Variants in ARHGAP36 observed in about 807,000 individuals in gnomAD.
ARHGAP36 encodes the protein rho GTPase-activating protein 36.
ARHGAP36 carries 7 observed loss-of-function variants against 32.9 expected under a neutral mutation model. The observed-to-expected ratio is 0.21, with a 90% CI of 0.12 to 0.40. The LOEUF is 0.40. ARHGAP36 is among the 10% of genes least tolerant of loss of function. The pLI is 1.00. For missense variants in ARHGAP36, 383 were observed against 442.2 expected (o/e 0.87, Z 1.20); for synonymous variants, 165 against 168.3 (o/e 0.98, Z 0.15).
Position 131,088,724 on chromosome X carries a change from C to A in ARHGAP36, c.1583C>A (p.Pro528Gln), listed in dbSNP as rs771482508. 8 of 1,211,486 alleles carry A rather than the reference C, an allele frequency of 6.6e-6. No individual in the cohort carries two copies. In the South Asian group the frequency reaches 1.2e-4, roughly 19 times the overall value. ...CCTCCCATTCCGGAGCAAGACCGCC[C>A]ATTGCTCCGTGTGCCCCGGGAGAAG... ...GNPPIPEQDR[P>Q]LLRVPREKEA... Residue 528 changes from proline to glutamine, a missense_variant, in exon 12 of 12, where the codon CCA becomes CAA. By Grantham distance (76) the Pro-to-Gln change is moderately conservative (BLOSUM62 -1). Around this residue, in one of 2 missense-constraint regions of ARHGAP36, gnomAD observed 227 missense variants for 311.3 expected, o/e 0.73. Transcript: ENST00000276211.
intron 1 of ARHGAP36, among the ~76,000 whole-genome samples, chrX:131,063,040 G>A (rs1024280138): frequency 4.3e-4 from 48 of 112,353 alleles, no homozygotes; most frequent in African/African-American, 1.5e-3. Context: ...TGACTTATTT[G>A]ATTATCTATA....
At chrX:131,062,847 C>T (rs1343156547) in intron 1 of ARHGAP36, among the ~76,000 whole-genome samples, 1 of 111,869 alleles carries the variant, frequency 8.9e-6, no homozygotes, top group Non-Finnish European at 1.9e-5. Flanking sequence ...AGTTTAGTAA[C>T]TTGCCCACTG....
chrX:131,060,089 C>A (rs1569362966), intron 1 of ARHGAP36, among the ~76,000 whole-genome samples: 1 of 111,746 alleles, frequency 8.9e-6, no homozygotes, highest in African/African-American at 3.3e-5. Flanking sequence ...AGTGTCAGCT[C>A]TCCCCATTGT....
In ARHGAP36 at chrX:131,084,768, G is replaced by A. The variant is rs752848208; in HGVS notation, c.804+87G>A. On this transcript the variant is annotated intron_variant, in intron 6 of 11. Transcript: ENST00000276211. ...TTCCCCATAGACCTGACTACCTGGT[G>A]GGGGGAGGAGCAGGGTCTTCTTTGT... The A allele has an allele frequency of 7.7e-6, 9 of 1,162,907 alleles. No homozygotes were observed. In the East Asian group the frequency reaches 8.9e-5, roughly 12 times the overall value.
Position 131,058,360 on chromosome X carries a change from C to G in ARHGAP36, c.-227C>G. 1 of 1,125,565 alleles carries G rather than the reference C, an allele frequency of 8.9e-7. No homozygotes were observed. The highest frequency in any genetic ancestry group is 1.2e-6 in the Non-Finnish European group (1 of 852,978). The allele number at this position is 1,125,565 out of a possible 1,213,427, so 92.8% of individuals were successfully genotyped here. Reference sequence around the variant, plus strand: ...CGGGGGACGACGCAAAGGTTAACTGCGAGCTGCCGGGCACTCAGCGCGGGT... The same window carrying G: ...CGGGGGACGACGCAAAGGTTAACTGGGAGCTGCCGGGCACTCAGCGCGGGT... On this transcript the variant is annotated 5_prime_UTR_variant, in exon 1 of 12. Transcript: ENST00000276211.
intron 4 of ARHGAP36, 93 bp downstream of exon 4, chrX:131,084,062 A>C: frequency 1.9e-6 from 2 of 1,070,241 alleles, no homozygotes; most frequent in Non-Finnish European, 2.5e-6. Context: ...CCTCAGAGGC[A>C]GGGGGGAGCT....
At position 131,084,342 on chromosome X, in the gene ARHGAP36, T is replaced by C. The variant is rs1341454645; in HGVS notation, c.683T>C (p.Leu228Pro). The change falls in exon 5 of 12, where the codon CTC becomes CCC. Residue 228 changes from leucine (L) to proline (P), a missense_variant. Coordinates refer to ENST00000276211, the MANE Select transcript of ARHGAP36 (RefSeq NM_144967.4). ...CTGGGATCCAAAAGGAAGATGAGTC[T>C]CAATCCGATTGCGAAACAAATCCCC... Reference protein sequence around the residue: ...RLLGSKRKMSLNPIAKQIPQV... With the variant: ...RLLGSKRKMSPNPIAKQIPQV... The C allele has an allele frequency of 8.3e-7, 1 of 1,210,820 alleles. No homozygotes were observed. Among genetic ancestry groups the C allele is most frequent in the Admixed American group, 2.2e-5 (1 of 45,874 alleles).
At chrX:131,072,391 G>A (rs746011189) in intron 1 of ARHGAP36, among the ~76,000 whole-genome samples, 8 of 112,250 alleles carry the variant, frequency 7.1e-5, no homozygotes, top group Non-Finnish European at 1.5e-4. Context: ...GGCAAGGAGG[G>A]GAAAGGACTA....
At chrX:131,080,410 A>AAAG (rs2079789609) in intron 1 of ARHGAP36, among the ~76,000 whole-genome samples, 1 of 111,638 alleles carries the variant, frequency 9.0e-6, no homozygotes, top group African/African-American at 3.3e-5. Context: ...AAAAAAAAAA[A>AAAG]AAAGAAATAG....
intron 1 of ARHGAP36, among the ~76,000 whole-genome samples, chrX:131,080,206 C>G (rs2079788214): frequency 9.0e-6 from 1 of 111,492 alleles, no homozygotes; most frequent in African/African-American, 3.3e-5. Context: ...ATATGACAAC[C>G]TCTCTCCCAT....
Position 131,064,029 on chromosome X carries a change from C to G in ARHGAP36, c.-143+5585C>G, listed in dbSNP as rs2079684076. Among the ~76,000 whole-genome samples, 4 of 111,976 alleles carry G rather than the reference C, an allele frequency of 3.6e-5. No individual in the cohort carries two copies. In the Admixed American group the frequency reaches 3.8e-4, roughly 11 times the overall value. On this transcript the variant is annotated intron_variant, in intron 1 of 11. Coordinates refer to ENST00000276211, the MANE Select transcript of ARHGAP36 (RefSeq NM_144967.4). ...CCTCAACGTAGGTGGCTGCTAGAAA[C>G]TGGATGGTCTTAGGCACTATTATTT...
chrX:131,080,564 G>A (rs1402302341), intron 1 of ARHGAP36, among the ~76,000 whole-genome samples: 1 of 111,934 alleles, frequency 8.9e-6, no homozygotes, highest in African/African-American at 3.3e-5. Context: ...GAGGTGTAGG[G>A]GCATACCCCA....
At chrX:131,072,445 C>T (rs1402263942) in intron 1 of ARHGAP36, among the ~76,000 whole-genome samples, 4 of 112,084 alleles carry the variant, frequency 3.6e-5, no homozygotes, top group Non-Finnish European at 7.5e-5. Flanking sequence ...CAAAGAATGT[C>T]CCCTGCCCTC....
chrX:131,073,663 A>G (rs759168883), intron 1 of ARHGAP36, among the ~76,000 whole-genome samples: 18 of 112,147 alleles, frequency 1.6e-4, no homozygotes, highest in Admixed American at 5.6e-4. Flanking sequence ...GCCCTTAGAT[A>G]AACAGAATGA....
chrX:131,079,023 G>GA (rs968545275), intron 1 of ARHGAP36, among the ~76,000 whole-genome samples: 1 of 111,631 alleles, frequency 9.0e-6, no homozygotes, highest in African/African-American at 3.3e-5. Flanking sequence ...ATTTTTGGGT[G>GA]AAAAAACCAG....
chrX:131,069,017 T>C (rs1420709104), intron 1 of ARHGAP36, among the ~76,000 whole-genome samples: 2 of 111,942 alleles, frequency 1.8e-5, no homozygotes, highest in African/African-American at 6.5e-5. Flanking sequence ...GTCGGTGAGC[T>C]CTTTTCTTAG....
intron 1 of ARHGAP36, chrX:131,078,708 T>A (rs770002269): frequency 5.1e-6 from 5 of 972,214 alleles, no homozygotes; most frequent in Non-Finnish European, 6.7e-6. Context: ...TTCCTAAATC[T>A]GCTTCTGTAT....
chrX:131,088,989 C>G lies in ARHGAP36; in HGVS notation c.*204C>G, dbSNP rs942298263. On this transcript the variant is annotated 3_prime_UTR_variant, in exon 12 of 12. Coordinates refer to ENST00000276211, the MANE Select transcript of ARHGAP36 (RefSeq NM_144967.4). ...GCTTGGTCTCTTCTGCTGGTAAAAG[C>G]AGAGATGTTTCTGTGTCATGCCCAA... The G allele has an allele frequency of 3.2e-5, 16 of 505,770 alleles. No individual in the cohort carries two copies. The East Asian group carries it at 5.1e-4, about 16-fold the overall frequency. 41.7% of individuals were successfully genotyped at this position (505,770 alleles called of 1,213,427 possible). A position where few individuals can be genotyped will look rare whatever the true frequency, so the allele number is the denominator to read the frequency against.
intron 1 of ARHGAP36, among the ~76,000 whole-genome samples, chrX:131,063,668 T>G (rs1386324463): frequency 9.1e-6 from 1 of 110,147 alleles, no homozygotes; most frequent in African/African-American, 3.3e-5. Context: ...TCTCAATACC[T>G]CTCTACTCTG....
Sources: gnomAD v4.1 joint callset for allele counts (sites outside exome capture counted in the v4.1 genomes callset) on GRCh38, gnomAD v4.1.1 for gene constraint, gnomAD v4.1.1 regional missense constraint, MANE v1.5 for transcripts, NCBI Gene and HGNC (gene_info 2026-07-23, HGNC 2026-07-21) for gene names.